Variants in DAPK1 observed in about 807,000 individuals in gnomAD.
DAPK1 encodes death-associated protein kinase 1.
Under a neutral mutation model 144.9 loss-of-function variants are expected in DAPK1, and 56 were observed. The observed-to-expected ratio is 0.39, with a 90% CI of 0.31 to 0.48. The LOEUF is 0.48. Among genes scored for constraint, DAPK1 ranks in the 20% least tolerant of loss-of-function variants. DAPK1 has a pLI of 0.95. For missense variants in DAPK1, 1,454 were observed against 1,875.4 expected, an observed-to-expected ratio of 0.78 and a Z score of 4.15; for synonymous variants, 690 against 749.0, an observed-to-expected ratio of 0.92 and a Z score of 1.29.
At chr9:87,692,952 C>CTTTTTTGTTTTTTTT (rs1825119049) in intron 21 of DAPK1, among the ~76,000 whole-genome samples, 1 of 26,380 alleles carries the variant, frequency 3.8e-5, no homozygotes, top group African/African-American at 1.0e-4. Context: ...AGTGACTAGA[C>CTTTTTTGTTTTTTTT]TTTTTTTTTT....
rs36207726 is a variant in DAPK1 at position 87,605,728 on chromosome 9, G to T, written c.284+553G>T. The stretch of plus-strand genomic sequence containing the variant: ...TAAAGCAAGTTGCTGATTTTCTCAG[G>T]CAAGCCATGCCCGTCGGATGTTATT... On this transcript the variant is annotated intron_variant, in intron 3 of 25. Coordinates refer to ENST00000408954, the MANE Select transcript of DAPK1 (RefSeq NM_004938.4). 8.6e-3 allele frequency among the ~76,000 whole-genome samples: 1,308 copies of T among 152,278 alleles called. 14 individuals carry two copies. The highest frequency in any genetic ancestry group is 0.03 in the African/African-American group (1,254 of 41,550).
intron 19 of DAPK1, among the ~76,000 whole-genome samples, chr9:87,671,961 C>T (rs1240286400): frequency 6.6e-6 from 1 of 152,176 alleles, no homozygotes; most frequent in African/African-American, 2.4e-5. Flanking sequence ...GCCTGGGATC[C>T]AACTCCAGCT....
At chr9:87,538,732 A>G (rs1825941412) in intron 2 of DAPK1, among the ~76,000 whole-genome samples, 1 of 152,222 alleles carries the variant, frequency 6.6e-6, no homozygotes, top group Non-Finnish European at 1.5e-5. Flanking sequence ...TTAAAAAACA[A>G]AACCTCATCT....
intron 19 of DAPK1, chr9:87,668,996 T>C (rs1831159097): frequency 4.2e-6 from 1 of 240,234 alleles, no homozygotes; most frequent in Non-Finnish European, 8.2e-6. Flanking sequence ...CTTTCCTTCT[T>C]ATGTTTGAGC....
intron 21 of DAPK1, among the ~76,000 whole-genome samples, chr9:87,695,688 C>T (rs1825233055): frequency 6.6e-6 from 1 of 152,194 alleles, no homozygotes; most frequent in Non-Finnish European, 1.5e-5. Context: ...CTCTGCATCT[C>T]ACACCCCTGC....
chr9:87,632,904 G>GTATA (rs139806970), intron 3 of DAPK1: 18,327 of 781,456 alleles, frequency 0.023, 251 homozygotes, highest in African/African-American at 0.092. Flanking sequence ...AGGAGGATGA[G>GTATA]TATATATATA....
intron 2 of DAPK1, among the ~76,000 whole-genome samples, chr9:87,520,729 A>G (rs376661370): frequency 1.6e-4 from 24 of 152,330 alleles, no homozygotes; most frequent in African/African-American, 4.6e-4. Flanking sequence ...GCAGAGTTCA[A>G]TGCACTGGTG....
At chr9:87,615,823 T>C (rs7023258) in intron 3 of DAPK1, among the ~76,000 whole-genome samples, 3,271 of 152,318 alleles carry the variant, frequency 0.021, 110 homozygotes, top group African/African-American at 0.075. Context: ...TGTCCACATA[T>C]AGGTCACAGG....
intron 3 of DAPK1, among the ~76,000 whole-genome samples, chr9:87,626,050 G>T (rs944105218): frequency 1.3e-5 from 2 of 152,194 alleles, no homozygotes; most frequent in Non-Finnish European, 2.9e-5. Flanking sequence ...GACCAATCTT[G>T]CCACTAAGCA....
intron 21 of DAPK1, among the ~76,000 whole-genome samples, chr9:87,690,296 T>C (rs1200648883): frequency 6.6e-6 from 1 of 152,048 alleles, no homozygotes; most frequent in East Asian, 1.9e-4. Context: ...TTGATTTCTT[T>C]CTCAGCTAGT....
intron 2 of DAPK1, among the ~76,000 whole-genome samples, chr9:87,584,881 T>A (rs1355264071): frequency 6.6e-6 from 1 of 152,184 alleles, no homozygotes; most frequent in Non-Finnish European, 1.5e-5. Context: ...TTCACCATGT[T>A]AGCTAGGCTG....
At position 87,577,322 on chromosome 9, in the gene DAPK1, C is replaced by A. The variant is rs1003161380; in HGVS notation, c.63-27632C>A. Among the ~76,000 whole-genome samples, 5 of 152,168 alleles carry A rather than the reference C, an allele frequency of 3.3e-5. No homozygotes were observed. In the East Asian group the frequency reaches 7.7e-4, roughly 23 times the overall value. ...AGCGGTCTGTGTTTTAACTAGACTTCAGGTGATTTGAATGAGTGCTAACAT... is the reference window on the plus strand; with the variant it reads ...AGCGGTCTGTGTTTTAACTAGACTTAAGGTGATTTGAATGAGTGCTAACAT... On this transcript the variant is annotated intron_variant, in intron 2 of 25. Transcript: ENST00000408954.
chr9:87,498,907 G>T, intron 1 of DAPK1, 63 bp from the exon 2 acceptor site: 1 of 562,414 alleles, frequency 1.8e-6, no homozygotes, highest in Non-Finnish European at 3.3e-6. Context: ...GCGCCGGGGA[G>T]GTCTACTTCC....
chr9:87,638,677 T>C (rs895048294), intron 4 of DAPK1, among the ~76,000 whole-genome samples: 1 of 152,178 alleles, frequency 6.6e-6, no homozygotes, highest in African/African-American at 2.4e-5. Flanking sequence ...AGAGGTGGTC[T>C]GGTAAAGCAG....
At chr9:87,609,944 C>G (rs1828868844) in intron 3 of DAPK1, among the ~76,000 whole-genome samples, 1 of 152,202 alleles carries the variant, frequency 6.6e-6, no homozygotes, top group South Asian at 2.1e-4. Context: ...CCTCCAGACT[C>G]CATGCCCATC....
Position 87,686,698 on chromosome 9 carries a change from A to G in DAPK1, c.2372A>G (p.Gln791Arg). ...CACCCGCACTGCTCGGCCGATGACC[A>G]GTCCACCAAGGCCATCGACATCCAG... The part of the protein sequence containing the change: ...THHPHCSADD[Q>R]STKAIDIQNA... The change falls in exon 21 of 26, where the codon CAG becomes CGG. Residue 791 changes from glutamine to arginine, a missense_variant. This residue lies in a region of DAPK1 where 1,025 missense variants were observed against 1,237.9 expected (regional missense o/e 0.83). Coordinates refer to ENST00000408954, the MANE Select transcript of DAPK1 (RefSeq NM_004938.4). This position sits in a 1 kb window ranked among gnomAD's most constrained non-coding sequence, Gnocchi z 4.2. The G allele has an allele frequency of 6.2e-7, 1 of 1,613,450 alleles. No homozygotes were observed. The highest frequency in any genetic ancestry group is 8.5e-7 in the Non-Finnish European group (1 of 1,179,444).
chr9:87,581,964 A>T (rs1373855125), intron 2 of DAPK1, among the ~76,000 whole-genome samples: 1 of 152,226 alleles, frequency 6.6e-6, no homozygotes, highest in Admixed American at 6.5e-5. Context: ...AGGTCCTCAC[A>T]TACAGAGTTT....
At position 87,706,648 on chromosome 9, in the gene DAPK1, G is replaced by A; in HGVS notation, c.3577G>A (p.Gly1193Ser). The A allele has an allele frequency of 6.2e-7, 1 of 1,612,762 alleles. No homozygotes were observed. The highest frequency in any genetic ancestry group is 8.5e-7 in the Non-Finnish European group (1 of 1,179,628). Residue 1193 changes from glycine to serine, a missense_variant, in exon 26 of 26, where the codon GGC becomes AGC. Physicochemically the swap from Gly to Ser is moderately conservative, Grantham distance 56 (BLOSUM62 0). Around this residue, in one of 2 missense-constraint regions of DAPK1, gnomAD observed 1,025 missense variants for 1,237.9 expected, o/e 0.83. Transcript: ENST00000408954. The surrounding 1 kb of genome is among the most constrained non-coding windows in gnomAD (Gnocchi z 9.0). Reference sequence around the variant, plus strand: ...GGTGCTGCTGGTCAACCACGGCCAGGGCATTGAGGTCCAGGTCCGCGGCCT... The same window carrying A: ...GGTGCTGCTGGTCAACCACGGCCAGAGCATTGAGGTCCAGGTCCGCGGCCT... ...LLVLLVNHGQGIEVQVRGLET... is the reference protein window; with the variant it reads ...LLVLLVNHGQSIEVQVRGLET...
chr9:87,663,354 A>G (rs1226474228), intron 18 of DAPK1, among the ~76,000 whole-genome samples: 2 of 152,170 alleles, frequency 1.3e-5, no homozygotes, highest in South Asian at 2.1e-4. Flanking sequence ...ACGCAGGTCA[A>G]GAATAGAACT....
Sources: gnomAD v4.1 joint callset for allele counts (sites outside exome capture counted in the v4.1 genomes callset) on GRCh38, gnomAD v4.1.1 for gene constraint, gnomAD v4.1.1 regional missense constraint, Gnocchi (gnomAD v3.1) non-coding constraint, MANE v1.5 for transcripts, NCBI Gene and HGNC (gene_info 2026-07-23, HGNC 2026-07-21) for gene names.